The following SPATS2L variants were observed in gnomAD, a reference collection of about 807,000 sequenced individuals.
The protein encoded by SPATS2L is spermatogenesis associated serine rich 2 like.
Under a neutral mutation model 59.6 loss-of-function variants are expected in SPATS2L, and 30 were observed. That is an observed-to-expected ratio of 0.50 (90% confidence interval 0.38 to 0.68). The LOEUF (loss-of-function observed/expected upper bound fraction) is 0.68. SPATS2L is among the 30% of genes least tolerant of loss of function. The pLI is 0.00. For synonymous variants in SPATS2L, 252 were observed against 263.5 expected (o/e 0.96, Z 0.42); for missense variants, 615 against 700.0 (o/e 0.88, Z 1.37).
chr2:200,342,351 G>A (rs766453210), intron 2 of SPATS2L, among the ~76,000 whole-genome samples: 1 of 152,230 alleles, frequency 6.6e-6, no homozygotes. Flanking sequence ...CTGCAGAAGA[G>A]TCAGCTGGGT....
intron 10 of SPATS2L, 180 bp from the exon 11 acceptor site, chr2:200,469,734 C>G (rs2106227990): frequency 1.9e-6 from 1 of 535,392 alleles, no homozygotes; most frequent in East Asian, 3.0e-5. Flanking sequence ...GGAAGATGCT[C>G]ATTCCCTAGC....
chr2:200,357,093 T>A (rs542373974), intron 2 of SPATS2L, among the ~76,000 whole-genome samples: 1 of 152,346 alleles, frequency 6.6e-6, no homozygotes, highest in Admixed American at 6.5e-5. Flanking sequence ...AAACTGTGTT[T>A]ATTAAAATTG....
At chr2:200,322,395 T>C (rs1409548387) in intron 1 of SPATS2L, among the ~76,000 whole-genome samples, 1 of 152,224 alleles carries the variant, frequency 6.6e-6, no homozygotes, top group African/African-American at 2.4e-5. Flanking sequence ...AGGAATTGTA[T>C]GTTTCATTAC....
intron 8 of SPATS2L, among the ~76,000 whole-genome samples, chr2:200,447,549 C>A (rs1442981137): frequency 1.3e-5 from 2 of 152,160 alleles, no homozygotes; most frequent in African/African-American, 4.8e-5. Context: ...AGAATAGATG[C>A]TGTGACAACA....
chr2:200,331,884 C>T (rs184336372), intron 2 of SPATS2L, among the ~76,000 whole-genome samples: 29 of 152,268 alleles, frequency 1.9e-4, no homozygotes, highest in Admixed American at 5.2e-4. Flanking sequence ...CCCATTTCTA[C>T]GGTCCACTTG....
intron 2 of SPATS2L, among the ~76,000 whole-genome samples, chr2:200,360,506 A>G (rs2105867608): frequency 6.6e-6 from 1 of 152,336 alleles, no homozygotes; most frequent in East Asian, 1.9e-4. Flanking sequence ...TTGCATGGCC[A>G]AGAGCAGGTG....
chr2:200,465,457 C>G (rs1285278918), intron 9 of SPATS2L, among the ~76,000 whole-genome samples: 1 of 152,238 alleles, frequency 6.6e-6, no homozygotes. Flanking sequence ...TTTGGTCCCA[C>G]TGGGTGTCCT....
Position 200,374,071 on chromosome 2 carries a change from C to T in SPATS2L, c.-22-15152C>T, listed in dbSNP as rs566686256. ...TAGACACCTTCTCAAATACTGCCTT[C>T]TGATGTCATCTCATTGCTTACTGCC... On this transcript the variant is annotated intron_variant, in intron 2 of 12. Coordinates refer to ENST00000409140, the MANE Select transcript of SPATS2L (RefSeq NM_001100423.2). Among the ~76,000 whole-genome samples, 28 of 152,342 alleles carry T rather than the reference C, an allele frequency of 1.8e-4. No individual in the cohort carries two copies. In the South Asian group the frequency reaches 5.6e-3, roughly 30 times the overall value.
intron 2 of SPATS2L, among the ~76,000 whole-genome samples, chr2:200,370,040 G>A (rs969678535): frequency 5.3e-5 from 8 of 152,172 alleles, no homozygotes; most frequent in Non-Finnish European, 1.2e-4. Context: ...TTAGTGCCTC[G>A]TCATGGACTG....
intron 2 of SPATS2L, among the ~76,000 whole-genome samples, chr2:200,368,781 A>C (rs2105886643): frequency 6.6e-6 from 1 of 152,308 alleles, no homozygotes; most frequent in East Asian, 1.9e-4. Flanking sequence ...AGATGACTGA[A>C]GAGATGAGAA....
At position 200,478,995 on chromosome 2, in the gene SPATS2L, C is replaced by T. The variant is rs1341706548; in HGVS notation, c.*964C>T. 1.3e-5 allele frequency: 2 copies of T among 152,420 alleles called. No homozygotes were observed. Among genetic ancestry groups the T allele is most frequent in the African/African-American group, 2.4e-5 (1 of 41,402 alleles). The allele number at this position is 152,420 out of a possible 1,614,324, so 9.4% of individuals were successfully genotyped here. A position where few individuals can be genotyped will look rare whatever the true frequency, so the allele number is the denominator to read the frequency against. On this transcript the variant is annotated 3_prime_UTR_variant, in exon 13 of 13. Coordinates refer to ENST00000409140, the MANE Select transcript of SPATS2L (RefSeq NM_001100423.2). ...CTCGGCTCACTGCAACCTCCGCCTCCTGGGTTCAAGCCATTCTCCTGCCCG... is the reference window on the plus strand; with the variant it reads ...CTCGGCTCACTGCAACCTCCGCCTCTTGGGTTCAAGCCATTCTCCTGCCCG...
At chr2:200,369,123 T>C (rs1003734113) in intron 2 of SPATS2L, among the ~76,000 whole-genome samples, 1 of 150,346 alleles carries the variant, frequency 6.7e-6, no homozygotes, top group Admixed American at 6.6e-5. Context: ...AAGGGCATGT[T>C]CAAATTAACT....
chr2:200,323,934 T>C (rs2079646106), intron 1 of SPATS2L, among the ~76,000 whole-genome samples: 1 of 152,150 alleles, frequency 6.6e-6, no homozygotes, highest in Non-Finnish European at 1.5e-5. Flanking sequence ...GGAACGGGAA[T>C]TTGGGAACTT....
At chr2:200,447,319 C>T (rs912681356) in intron 8 of SPATS2L, among the ~76,000 whole-genome samples, 1 of 152,178 alleles carries the variant, frequency 6.6e-6, no homozygotes, top group Non-Finnish European at 1.5e-5. Flanking sequence ...CAGTGACATA[C>T]CCAGGTATGC....
Position 200,479,520 on chromosome 2 carries a change from A to G in SPATS2L, c.*1489A>G, listed in dbSNP as rs1386092289. The G allele has an allele frequency of 5.0e-6, 2 of 398,484 alleles. No individual in the cohort carries two copies. The highest frequency in any genetic ancestry group is 4.1e-5 in the African/African-American group (2 of 48,622). The allele number at this position is 398,484 out of a possible 1,614,324, so 24.7% of individuals were successfully genotyped here. On this transcript the variant is annotated 3_prime_UTR_variant, in exon 13 of 13. Coordinates refer to ENST00000409140, the MANE Select transcript of SPATS2L (RefSeq NM_001100423.2). The stretch of plus-strand genomic sequence containing the variant: ...GGAGCCTGGGTGTGGCCATCTTCCC[A>G]GAGTTCCTGAGCTAGATGGAGAAGG...
At chr2:200,307,449 C>G (rs2105733367) in intron 1 of SPATS2L, among the ~76,000 whole-genome samples, 1 of 152,090 alleles carries the variant, frequency 6.6e-6, no homozygotes, top group East Asian at 1.9e-4. Flanking sequence ...CTGAACCCCG[C>G]GCCCCTGGCG....
chr2:200,390,591 C>G (rs2082141964), intron 3 of SPATS2L: 1 of 152,436 alleles, frequency 6.6e-6, no homozygotes, highest in Non-Finnish European at 1.5e-5. Flanking sequence ...AAGCAGATGC[C>G]TAAGGTTGAC....
intron 2 of SPATS2L, among the ~76,000 whole-genome samples, chr2:200,362,538 A>G (rs1399902185): frequency 1.3e-5 from 2 of 152,234 alleles, no homozygotes; most frequent in African/African-American, 4.8e-5. Flanking sequence ...TTTTAAAGGT[A>G]CAACTCAGAA....
chr2:200,339,903 T>TA (rs2080265844), intron 2 of SPATS2L, among the ~76,000 whole-genome samples: 1 of 152,242 alleles, frequency 6.6e-6, no homozygotes, highest in Non-Finnish European at 1.5e-5. Context: ...TGTTCCTGTT[T>TA]AGAGTGAGAT....
Sources: gnomAD v4.1 joint callset for allele counts (sites outside exome capture counted in the v4.1 genomes callset) on GRCh38, gnomAD v4.1.1 for gene constraint, MANE v1.5 for transcripts, NCBI Gene and HGNC (gene_info 2026-07-23, HGNC 2026-07-21) for gene names.